Variants in STYX observed in about 807,000 individuals in gnomAD.
The protein encoded by STYX is serine/threonine/tyrosine-interacting protein.
STYX carries 20 observed loss-of-function variants against 42.7 expected under a neutral mutation model. The observed-to-expected ratio is 0.47, with a 90% CI of 0.33 to 0.68. STYX has a LOEUF of 0.68. Among genes scored for constraint, STYX ranks in the 30% least tolerant of loss-of-function variants. The pLI is 0.02. For missense variants in STYX, 226 were observed against 268.5 expected (o/e 0.84, Z 1.11); for synonymous variants, 78 against 81.9 (o/e 0.95, Z 0.26).
intron 1 of STYX, among the ~76,000 whole-genome samples, chr14:52,743,141 A>G (rs1365535745): frequency 6.6e-6 from 1 of 151,508 alleles, no homozygotes; most frequent in Non-Finnish European, 1.5e-5. Context: ...ATAGTCTACT[A>G]CTATATTGCT....
In STYX at chr14:52,771,327, G is replaced by A. The variant is rs568390579; in HGVS notation, c.*221G>A. On this transcript the variant is annotated 3_prime_UTR_variant, in exon 11 of 11. Transcript: ENST00000354586. ...TACTCCTTTTTTTAAAAACACATGC[G>A]CGCGCACACACACATGCTTTACAAG... 5.4e-5 allele frequency: 24 copies of A among 442,572 alleles called. No individual in the cohort carries two copies. Among genetic ancestry groups the A allele is most frequent in the South Asian group, 1.8e-4 (4 of 22,348 alleles). 27.4% of individuals were successfully genotyped at this position (442,572 alleles called of 1,614,324 possible). A position where few individuals can be genotyped will look rare whatever the true frequency, so the allele number is the denominator to read the frequency against.
At chr14:52,740,241 A>G (rs952877805) in intron 1 of STYX, among the ~76,000 whole-genome samples, 3 of 152,312 alleles carry the variant, frequency 2.0e-5, no homozygotes, top group Non-Finnish European at 2.9e-5. Flanking sequence ...GTGCCACTGC[A>G]TTGCACTCCA....
At chr14:52,767,027 T>C (rs933178879) in intron 9 of STYX, among the ~76,000 whole-genome samples, 13 of 152,106 alleles carry the variant, frequency 8.5e-5, no homozygotes, top group African/African-American at 2.9e-4. Context: ...ACAAACAAAA[T>C]GTAGTAGGCC....
In STYX at chr14:52,750,772, G is replaced by A. The variant is rs772975037; in HGVS notation, c.234G>A (p.Gln78=). The change falls in exon 4 of 11, where the codon CAG becomes CAA. Residue 78 remains glutamine (Q), a synonymous_variant. Coordinates refer to ENST00000354586, the MANE Select transcript of STYX (RefSeq NM_145251.4). ...ACTTTATTAAACCAAACTTTCAGCA[G>A]TTATTTAGGTAAGAATTATTGCTAT... ...EANFIKPNFQ[Q]LFRYLVLDIA... The A allele has an allele frequency of 1.9e-6, 3 of 1,556,750 alleles. No individual in the cohort carries two copies. Among genetic ancestry groups the A allele is most frequent in the South Asian group, 1.2e-5 (1 of 83,528 alleles).
At chr14:52,764,007 T>C (rs1882200792) in intron 9 of STYX, among the ~76,000 whole-genome samples, 1 of 152,204 alleles carries the variant, frequency 6.6e-6, no homozygotes, top group Non-Finnish European at 1.5e-5. Flanking sequence ...TTGTTGTTGT[T>C]GTTGAGACAG....
At chr14:52,750,849 G>C (rs1390820040) in intron 4 of STYX, 69 bp downstream of exon 4, 1 of 1,054,634 alleles carries the variant, frequency 9.5e-7, no homozygotes, top group African/African-American at 1.6e-5. Context: ...ACCATCAGTT[G>C]TTTCTGTACA....
chr14:52,730,180 TTCCTGTGCTGGA>T lies in STYX; in HGVS notation c.-289_-278del. On this transcript the variant is annotated 5_prime_UTR_variant, in exon 1 of 11. Coordinates refer to ENST00000354586, the MANE Select transcript of STYX (RefSeq NM_145251.4). ...GGCGGGGAGACGGTTGTCGGGCTGG[TTCCTGTGCTGGA>T]TCCTGGGCGGCCTGAGGGGTACGGA... 2.2e-6 allele frequency: 1 copy of T among 463,874 alleles called. No homozygotes were observed. The allele number at this position is 463,874 out of a possible 1,614,324, so 28.7% of individuals were successfully genotyped here. A position where few individuals can be genotyped will look rare whatever the true frequency, so the allele number is the denominator to read the frequency against.
intron 9 of STYX, among the ~76,000 whole-genome samples, chr14:52,767,473 T>C (rs1882351142): frequency 6.6e-6 from 1 of 152,244 alleles, no homozygotes; most frequent in East Asian, 1.9e-4. Flanking sequence ...CTCTTGCTTT[T>C]CTGTTTTTGT....
intron 2 of STYX, among the ~76,000 whole-genome samples, chr14:52,745,415 A>C (rs1881359005): frequency 1.3e-5 from 2 of 152,178 alleles, no homozygotes; most frequent in South Asian, 4.1e-4. Context: ...GATTACAGGC[A>C]TGAGCCACCG....
intron 9 of STYX, 126 bp downstream of exon 9, chr14:52,759,880 A>G: frequency 1.6e-6 from 1 of 634,688 alleles, no homozygotes; most frequent in Non-Finnish European, 2.7e-6. Context: ...TTGATGCTTT[A>G]TTCAAGTTTA....
chr14:52,764,957 C>G (rs1298482106), intron 9 of STYX, among the ~76,000 whole-genome samples: 1 of 152,138 alleles, frequency 6.6e-6, no homozygotes, highest in East Asian at 1.9e-4. Flanking sequence ...GCGTGAGCCA[C>G]GGCGCCCAGC....
intron 9 of STYX, among the ~76,000 whole-genome samples, chr14:52,766,057 C>A (rs1052728954): frequency 1.3e-5 from 2 of 152,072 alleles, no homozygotes; most frequent in Admixed American, 6.6e-5. Flanking sequence ...AGTGCAGTGG[C>A]GCGATCATGG....
chr14:52,738,147 A>T lies in STYX; in HGVS notation c.58-6705A>T, dbSNP rs79891365. Among the ~76,000 whole-genome samples, 967 of 152,322 alleles carry T rather than the reference A, an allele frequency of 6.3e-3. 5 individuals carry two copies. The highest frequency in any genetic ancestry group is 0.031 in the Middle Eastern group (9 of 294). On this transcript the variant is annotated intron_variant, in intron 1 of 10. Coordinates refer to ENST00000354586, the MANE Select transcript of STYX (RefSeq NM_145251.4). ...GGCAGCAAAGAAGGTGGATTCTGAG[A>T]TCAGCATCTGATGATAACACCAGGA...
At chr14:52,770,765 C>T (rs1882480072) in intron 10 of STYX, among the ~76,000 whole-genome samples, 1 of 152,026 alleles carries the variant, frequency 6.6e-6, no homozygotes, top group Non-Finnish European at 1.5e-5. Context: ...TTGAAAAGGT[C>T]TATTTTCACA....
rs891857680 is a variant in STYX, at chr14:52,772,786, TTTCTC to T, written c.*1685_*1689del. The T allele has an allele frequency of 2.0e-5, 3 of 152,194 alleles. No homozygotes were observed. The highest frequency in any genetic ancestry group is 7.3e-5 in the African/African-American group (3 of 41,372). The allele number at this position is 152,194 out of a possible 1,614,324, so 9.4% of individuals were successfully genotyped here. A position where few individuals can be genotyped will look rare whatever the true frequency, so the allele number is the denominator to read the frequency against. ...TTAATTCCTATTGACCCAGGTGATA[TTTCTC>T]TTCTGATTTCCCTCCCCTTCCCTTC... On this transcript the variant is annotated 3_prime_UTR_variant, in exon 11 of 11. Coordinates refer to ENST00000354586, the MANE Select transcript of STYX (RefSeq NM_145251.4).
At chr14:52,760,240 AT>A (rs761076344) in intron 9 of STYX, among the ~76,000 whole-genome samples, 3 of 152,190 alleles carry the variant, frequency 2.0e-5, no homozygotes, top group Non-Finnish European at 4.4e-5. Context: ...AAAGGCTGGC[AT>A]TACCAAGAAA....
chr14:52,735,243 T>C (rs1259535198), intron 1 of STYX, among the ~76,000 whole-genome samples: 1 of 152,162 alleles, frequency 6.6e-6, no homozygotes, highest in East Asian at 1.9e-4. Flanking sequence ...CCATCTGGGG[T>C]CACACCTTTA....
chr14:52,771,127 A>G lies in STYX; in HGVS notation c.*21A>G. 2 of 1,578,184 alleles carry G rather than the reference A, an allele frequency of 1.3e-6. No individual in the cohort carries two copies. The highest frequency in any genetic ancestry group is 8.6e-7 in the Non-Finnish European group (1 of 1,160,028). On this transcript the variant is annotated 3_prime_UTR_variant, in exon 11 of 11. Transcript: ENST00000354586. The stretch of plus-strand genomic sequence containing the variant: ...GCTGACTTGAAGAGCAACATCATAG[A>G]GTGTGAATTTCTATTTGGGAAGGAG...
chr14:52,766,997 T>C (rs1882328078), intron 9 of STYX, among the ~76,000 whole-genome samples: 1 of 152,116 alleles, frequency 6.6e-6, no homozygotes, highest in South Asian at 2.1e-4. Context: ...ACGAAACTTA[T>C]TTAGTGGGAG....
Sources: allele counts gnomAD v4.1 joint callset (sites outside exome capture counted in the v4.1 genomes callset), GRCh38; gene constraint gnomAD v4.1.1; transcripts MANE v1.5; gene names NCBI Gene and HGNC (gene_info 2026-07-23, HGNC 2026-07-21).